The following RUFY2 variants were observed in gnomAD, a reference collection of about 807,000 sequenced individuals.
The protein encoded by RUFY2 is RUN and FYVE domain containing 2.
In RUFY2, 49 loss-of-function variants were observed where a neutral mutation model predicts 94.4. The observed-to-expected ratio is 0.52, with a 90% CI of 0.41 to 0.66. RUFY2 has a LOEUF of 0.66. Ranked by LOEUF, RUFY2 falls within the 30% of genes least tolerant of loss-of-function variation. The pLI, the probability that RUFY2 is intolerant of heterozygous loss-of-function variation, is 0.00. For synonymous variants in RUFY2, 255 were observed against 235.7 expected (o/e 1.08, Z -0.75); for missense variants, 541 against 692.8 (o/e 0.78, Z 2.46).
chr10:68,362,369 T>C (rs953966801), intron 15 of RUFY2, among the ~76,000 whole-genome samples: 2 of 151,972 alleles, frequency 1.3e-5, no homozygotes, highest in Non-Finnish European at 2.9e-5. Flanking sequence ...TTAAAACGAC[T>C]ATATATTTTA....
chr10:68,404,707 C>A lies in RUFY2; in HGVS notation c.142G>T (p.Val48Phe), dbSNP rs2051134414. The stretch of plus-strand genomic sequence containing the variant: ...TGTTTCAGGCAATGTTCCATAACAA[C>A]AAAGAATTGCTGCAAGGGGGGATAG... ...SDYPPLQQFF[V>F]VMEHCLKHGL... is the part of the protein sequence containing the mutation. The change falls in exon 2 of 18, where the codon GTT becomes TTT. Residue 48 changes from valine (V) to phenylalanine (F), a missense_variant. Physicochemically the swap from Val to Phe is conservative, Grantham distance 50. Transcript: ENST00000602465. 6.2e-7 allele frequency: 1 copy of A among 1,612,266 alleles called. No homozygotes were observed. Among genetic ancestry groups the A allele is most frequent in the Middle Eastern group, 1.7e-4 (1 of 6,048 alleles).
chr10:68,356,232 G>A (rs575396689), intron 15 of RUFY2, among the ~76,000 whole-genome samples: 68 of 152,118 alleles, frequency 4.5e-4, no homozygotes, highest in African/African-American at 5.8e-4. Flanking sequence ...AGCCAGGCGC[G>A]GTGGCTCACA....
rs1029654140 is a variant in RUFY2, at chr10:68,407,202, T to C, written c.-13A>G. 5 of 1,412,516 alleles carry C rather than the reference T, an allele frequency of 3.5e-6. No homozygotes were observed. The highest frequency in any genetic ancestry group is 1.5e-5 in the South Asian group (1 of 66,210). The allele number at this position is 1,412,516 out of a possible 1,614,324, so 87.5% of individuals were successfully genotyped here. On this transcript the variant is annotated 5_prime_UTR_variant, in exon 1 of 18. Transcript: ENST00000602465. ...TCGCCTTACCCATGGCGGCGGCGGC[T>C]GCGCGGTCTCGGGCGGAGGCTCCCT...
In RUFY2 at chr10:68,344,733, T is replaced by G. The variant is rs1488731512; in HGVS notation, c.*1035A>C. On this transcript the variant is annotated 3_prime_UTR_variant, in exon 18 of 18. Transcript: ENST00000602465. Reference sequence around the variant, plus strand: ...TGTATATTTCATCATCTCAACACCCTTGGCATAGAGGTGCTCAATGGACAT... The same window carrying G: ...TGTATATTTCATCATCTCAACACCCGTGGCATAGAGGTGCTCAATGGACAT... 3 of 152,258 alleles carry G rather than the reference T, an allele frequency of 2.0e-5. No individual in the cohort carries two copies. Among genetic ancestry groups the G allele is most frequent in the Non-Finnish European group, 4.4e-5 (3 of 68,066 alleles). 9.4% of individuals were successfully genotyped at this position (152,258 alleles called of 1,614,324 possible).
rs555897334 is a variant in RUFY2 at position 68,407,253 on chromosome 10, G to A, written c.-64C>T. On this transcript the variant is annotated 5_prime_UTR_variant, in exon 1 of 18. Coordinates refer to ENST00000602465, the MANE Select transcript of RUFY2 (RefSeq NM_001330103.2). ...CGGCCTGTCCAGCAGCTCCTTCCAGGCGCTCGGCGGCCACCACCGCATCTG... is the reference window on the plus strand; with the variant it reads ...CGGCCTGTCCAGCAGCTCCTTCCAGACGCTCGGCGGCCACCACCGCATCTG... 14 of 1,259,494 alleles carry A rather than the reference G, an allele frequency of 1.1e-5. No individual in the cohort carries two copies. The Admixed American group carries it at 5.5e-4, about 50-fold the overall frequency. 78.0% of individuals were successfully genotyped at this position (1,259,494 alleles called of 1,614,324 possible). A position where few individuals can be genotyped will look rare whatever the true frequency, so the allele number is the denominator to read the frequency against.
downstream of RUFY2, chr10:68,342,143 C>G (rs2046006941): frequency 8.1e-6 from 7 of 864,950 alleles, no homozygotes; most frequent in South Asian, 4.1e-5. Flanking sequence ...ATTTTAAGAA[C>G]TTTATAATGA....
intron 13 of RUFY2, among the ~76,000 whole-genome samples, chr10:68,366,635 AG>A (rs1157880630): frequency 6.7e-6 from 1 of 148,980 alleles, no homozygotes; most frequent in East Asian, 2.0e-4. Context: ...CCAGCTATTC[AG>A]GAGGCTGAGG....
At chr10:68,379,636 T>G in intron 11 of RUFY2, 115 bp from the exon 12 acceptor site, 3 of 658,534 alleles carry the variant, frequency 4.6e-6, no homozygotes, top group Non-Finnish European at 5.0e-6. Flanking sequence ...AGGTTGGATT[T>G]GAACTTCTGG....
intron 13 of RUFY2, 101 bp from the exon 14 acceptor site, chr10:68,364,214 C>T (rs977148503): frequency 1.9e-6 from 2 of 1,075,402 alleles, no homozygotes; most frequent in Non-Finnish European, 2.6e-6. Context: ...TTACTTTGGC[C>T]TTTGTAATGC....
At chr10:68,384,876 A>G (rs929894401) in intron 8 of RUFY2, among the ~76,000 whole-genome samples, 2 of 152,224 alleles carry the variant, frequency 1.3e-5, no homozygotes, top group Non-Finnish European at 2.9e-5. Flanking sequence ...GAGTAGCTCT[A>G]TAATGGTCCC....
chr10:68,390,801 G>C (rs1324685372), intron 7 of RUFY2, among the ~76,000 whole-genome samples: 1 of 150,778 alleles, frequency 6.6e-6, no homozygotes, highest in Admixed American at 6.7e-5. Context: ...AGGTCTCACT[G>C]TGTCACCGAG....
chr10:68,393,060 G>A, intron 7 of RUFY2, 78 bp downstream of exon 7: 1 of 667,702 alleles, frequency 1.5e-6, no homozygotes, highest in Non-Finnish European at 2.5e-6. Context: ...TAGAAGAAAG[G>A]AATACGGTAA....
intron 13 of RUFY2, among the ~76,000 whole-genome samples, chr10:68,369,487 A>AT (rs2048100595): frequency 4.8e-5 from 1 of 20,692 alleles, no homozygotes; most frequent in South Asian, 2.2e-3. Flanking sequence ...CTTGTCTCAA[A>AT]AAAAAAAAAC....
chr10:68,404,861 G>C lies in RUFY2; in HGVS notation c.5-17C>G. On this transcript the variant is annotated splice_polypyrimidine_tract_variant and intron_variant, in intron 1 of 17. Transcript: ENST00000602465. ...CTTTTGTAGCTGAAAACACAAGAAA[G>C]GAATCCAACATCATTTGTAAGACAT... 4 of 1,513,212 alleles carry C rather than the reference G, an allele frequency of 2.6e-6. No homozygotes were observed. Among genetic ancestry groups the C allele is most frequent in the Non-Finnish European group, 3.6e-6 (4 of 1,125,454 alleles). The allele number at this position is 1,513,212 out of a possible 1,614,324, so 93.7% of individuals were successfully genotyped here.
chr10:68,381,114 T>C (rs1344317858), intron 11 of RUFY2, 118 bp downstream of exon 11: 29 of 589,568 alleles, frequency 4.9e-5, no homozygotes, highest in Admixed American at 1.5e-4. Context: ...AAAAAAGACA[T>C]TGGCCTTTAT....
In RUFY2 at chr10:68,394,004, T is replaced by C. The variant is rs755046320; in HGVS notation, c.584+71A>G. 12 of 1,454,600 alleles carry C rather than the reference T, an allele frequency of 8.2e-6. No individual in the cohort carries two copies. In the South Asian group the frequency reaches 9.2e-5, roughly 11 times the overall value. The allele number at this position is 1,454,600 out of a possible 1,614,324, so 90.1% of individuals were successfully genotyped here. The stretch of plus-strand genomic sequence containing the variant: ...AAAATAAAACCACACTGTAAATAGA[T>C]GGATCTTATAATGATTTGTAAAGAG... On this transcript the variant is annotated intron_variant, in intron 6 of 17. Coordinates refer to ENST00000602465, the MANE Select transcript of RUFY2 (RefSeq NM_001330103.2).
At chr10:68,395,111 G>T (rs1463731906) in intron 4 of RUFY2, among the ~76,000 whole-genome samples, 4 of 151,980 alleles carry the variant, frequency 2.6e-5, no homozygotes, top group Non-Finnish European at 5.9e-5. Flanking sequence ...GCCAAGGCGG[G>T]AGGATCACTT....
chr10:68,396,272 G>A (rs1046155061), intron 4 of RUFY2, among the ~76,000 whole-genome samples: 2 of 151,942 alleles, frequency 1.3e-5, no homozygotes, highest in Admixed American at 6.6e-5. Flanking sequence ...TTACAGGCGT[G>A]AGCCACCACA....
At chr10:68,379,067 T>A (rs1438609689) in intron 12 of RUFY2, 1 of 270,408 alleles carries the variant, frequency 3.7e-6, no homozygotes, top group Non-Finnish European at 6.9e-6. Context: ...GCAAAGAATA[T>A]GACAATTAAT....
Sources: allele counts gnomAD v4.1 joint callset (sites outside exome capture counted in the v4.1 genomes callset), GRCh38; gene constraint gnomAD v4.1.1; transcripts MANE v1.5; gene names NCBI Gene and HGNC (gene_info 2026-07-23, HGNC 2026-07-21).